The following PI4KA variants were observed in gnomAD, a reference collection of about 807,000 sequenced individuals.
PI4KA encodes phosphatidylinositol 4-kinase alpha.
In PI4KA, 122 loss-of-function variants were observed where a neutral mutation model predicts 271.4. The observed-to-expected ratio is 0.45, with a 90% CI of 0.39 to 0.52. The LOEUF (loss-of-function observed/expected upper bound fraction) is 0.52, where lower values mean the gene tolerates loss of function less well. PI4KA is among the 20% of genes least tolerant of loss of function. The pLI is 0.00. For missense variants in PI4KA, 1,969 were observed against 2,769.1 expected, an observed-to-expected ratio of 0.71 and a Z score of 6.48; for synonymous variants, 1,041 against 1,078.8, an observed-to-expected ratio of 0.96 and a Z score of 0.69.
At chr22:20,757,625 C>A (rs1341311316) in intron 23 of PI4KA, among the ~76,000 whole-genome samples, 1 of 151,996 alleles carries the variant, frequency 6.6e-6, no homozygotes, top group Non-Finnish European at 1.5e-5. Context: ...CTCACTGCAA[C>A]CTCTGCCTCC....
intron 1 of PI4KA, 140 bp downstream of exon 1, chr22:20,858,430 T>G: frequency 3.8e-6 from 2 of 521,998 alleles, no homozygotes; most frequent in Non-Finnish European, 5.9e-6. Flanking sequence ...CCCCGCTAGA[T>G]CCCTCCGCTC....
chr22:20,840,072 C>A (rs1288030089), intron 1 of PI4KA, among the ~76,000 whole-genome samples: 2 of 152,178 alleles, frequency 1.3e-5, no homozygotes, highest in Admixed American at 6.5e-5. Context: ...CAATACCCTG[C>A]ACTAAAACAC....
At chr22:20,720,205 T>C (rs1926568464) in intron 43 of PI4KA, among the ~76,000 whole-genome samples, 1 of 152,154 alleles carries the variant, frequency 6.6e-6, no homozygotes, top group Non-Finnish European at 1.5e-5. Context: ...TGGGTCCAGG[T>C]GCGACGTAGA....
intron 20 of PI4KA, 118 bp downstream of exon 20, chr22:20,765,467 A>C (rs557438088): frequency 3.4e-5 from 27 of 784,442 alleles, no homozygotes; most frequent in East Asian, 3.2e-4. Flanking sequence ...TTGCAGAAAG[A>C]AGCAGCTGCA....
In PI4KA at chr22:20,761,342, C is replaced by T. The variant is rs142119272; in HGVS notation, c.2753G>A (p.Cys918Tyr). 2 of 1,611,544 alleles carry T rather than the reference C, an allele frequency of 1.2e-6. No homozygotes were observed. Among genetic ancestry groups the T allele is most frequent in the African/African-American group, 2.7e-5 (2 of 74,962 alleles). Residue 918 changes from cysteine (C) to tyrosine (Y), a missense_variant, in exon 23 of 55, where the codon TGC (cysteine) becomes TAC (tyrosine). Physicochemically the swap from Cys to Tyr is radical, Grantham distance 194. Around this residue, in one of 13 missense-constraint regions of PI4KA, gnomAD observed 368 missense variants for 544.3 expected, o/e 0.68. Coordinates refer to ENST00000255882, the MANE Select transcript of PI4KA (RefSeq NM_058004.4). ...TDPDRFQVMF[C>Y]YFEDKAIQKD... is the part of the protein sequence containing the mutation. ...CTGAATAGCTTTATCCTCAAAGTAGCAGAACATTACCTGGAAGCGATCAGG... is the reference window on the plus strand; with the variant it reads ...CTGAATAGCTTTATCCTCAAAGTAGTAGAACATTACCTGGAAGCGATCAGG...
rs368811662 is a variant in PI4KA, at chr22:20,813,407, T to C, written c.956A>G (p.Tyr319Cys). ...SVSPLFNGVT[Y>C]KEFNIPLEML... ...TTCCAATGGAATGTTAAACTCCTTATATGTGACACCGTTGAAAAGGGGAGA... is the reference window on the plus strand; with the variant it reads ...TTCCAATGGAATGTTAAACTCCTTACATGTGACACCGTTGAAAAGGGGAGA... The change falls in exon 8 of 55, where the codon TAT becomes TGT. Residue 319 changes from tyrosine (Y) to cysteine (C), a missense_variant. Transcript: ENST00000255882. The C allele has an allele frequency of 2.0e-5, 32 of 1,613,778 alleles. 1 individual carries two copies. The African/African-American group carries it at 3.9e-4, about 19-fold the overall frequency.
chr22:20,800,492 G>A (rs576171226), intron 14 of PI4KA, among the ~76,000 whole-genome samples: 5 of 152,198 alleles, frequency 3.3e-5, no homozygotes, highest in African/African-American at 1.2e-4. Flanking sequence ...AAAATATGAT[G>A]ATACGTTACT....
At chr22:20,746,287 CCA>C in intron 29 of PI4KA, among the ~76,000 whole-genome samples, 1 of 152,062 alleles carries the variant, frequency 6.6e-6, no homozygotes, top group East Asian at 1.9e-4. Context: ...TGGTCTCGAT[CCA>C]CTGACCTCGT....
chr22:20,734,217 T>C (rs2147253340), intron 33 of PI4KA, 23 bp from the exon 34 acceptor site: 1 of 1,527,724 alleles, frequency 6.5e-7, no homozygotes, highest in East Asian at 2.5e-5. Flanking sequence ...AGGAAGACGC[T>C]GTGGTGGTGG....
chr22:20,762,466 C>T (rs944244811), intron 22 of PI4KA, among the ~76,000 whole-genome samples: 4 of 152,152 alleles, frequency 2.6e-5, no homozygotes, highest in Non-Finnish European at 5.9e-5. Flanking sequence ...TGGTAGGCAG[C>T]CCGAGGTGGA....
chr22:20,763,622 T>C (rs1314672839), intron 22 of PI4KA, among the ~76,000 whole-genome samples: 1 of 152,066 alleles, frequency 6.6e-6, no homozygotes, highest in Non-Finnish European at 1.5e-5. Flanking sequence ...GTATTTTTAG[T>C]AGAGATGGGG....
intron 10 of PI4KA, among the ~76,000 whole-genome samples, chr22:20,806,705 T>G (rs1353287673): frequency 6.6e-6 from 1 of 152,024 alleles, no homozygotes; most frequent in African/African-American, 2.4e-5. Context: ...ATTAACAGAT[T>G]ACATGTATTA....
At chr22:20,754,651 A>G (rs185714179) in intron 23 of PI4KA, among the ~76,000 whole-genome samples, 113 of 152,226 alleles carry the variant, frequency 7.4e-4, no homozygotes, top group African/African-American at 2.6e-3. Flanking sequence ...AATTCTTTCT[A>G]CTTTTTAAAA....
intron 1 of PI4KA, among the ~76,000 whole-genome samples, chr22:20,846,989 T>G (rs967484979): frequency 6.7e-6 from 1 of 149,960 alleles, no homozygotes; most frequent in Non-Finnish European, 1.5e-5. Context: ...CTACTAAAAA[T>G]ACAAAAAAAT....
chr22:20,707,898 C>A lies in PI4KA; in HGVS notation c.*149G>T, dbSNP rs891464589. ...GGCGTTACCAAGGCTGCGCCACCCA[C>A]GTGCTGCCCCAGGAGGCGCTACCAG... On this transcript the variant is annotated 3_prime_UTR_variant, in exon 55 of 55. Transcript: ENST00000255882. The A allele has an allele frequency of 2.6e-6, 2 of 779,132 alleles. No individual in the cohort carries two copies. The highest frequency in any genetic ancestry group is 2.4e-5 in the East Asian group (1 of 41,090). 48.3% of individuals were successfully genotyped at this position (779,132 alleles called of 1,614,324 possible).
chr22:20,743,240 G>A (rs1929673435), intron 30 of PI4KA, among the ~76,000 whole-genome samples: 1 of 152,004 alleles, frequency 6.6e-6, no homozygotes, highest in Non-Finnish European at 1.5e-5. Flanking sequence ...CCGCCTCCTG[G>A]GTTCAAGTGA....
chr22:20,819,504 T>G lies in PI4KA; in HGVS notation c.789+137A>C, dbSNP rs543359606. 320 of 795,206 alleles carry G rather than the reference T, an allele frequency of 4.0e-4. 8 individuals carry two copies. The Admixed American group carries it at 8.5e-3, about 21-fold the overall frequency. 49.3% of individuals were successfully genotyped at this position (795,206 alleles called of 1,614,324 possible). A position where few individuals can be genotyped will look rare whatever the true frequency, so the allele number is the denominator to read the frequency against. ...CATCTTAAGAGGGACAAGACAAGTC[T>G]TTGTATTAAAGAGAATTCTAGTGAA... is the stretch of plus-strand genomic sequence containing the variant. On this transcript the variant is annotated intron_variant, in intron 6 of 54. Coordinates refer to ENST00000255882, the MANE Select transcript of PI4KA (RefSeq NM_058004.4).
chr22:20,750,148 G>C (rs1930511422), intron 27 of PI4KA, among the ~76,000 whole-genome samples, 154 bp from the exon 28 acceptor site: 1 of 152,158 alleles, frequency 6.6e-6, no homozygotes, highest in African/African-American at 2.4e-5. Flanking sequence ...TGGAGATAGG[G>C]CTTTAAAGAG....
chr22:20,760,521 A>G (rs1052017111), intron 23 of PI4KA, among the ~76,000 whole-genome samples: 1 of 152,220 alleles, frequency 6.6e-6, no homozygotes, highest in Non-Finnish European at 1.5e-5. Context: ...AAATTAAGGT[A>G]TAATTTGCAT....
Sources: gnomAD v4.1 joint callset for allele counts (sites outside exome capture counted in the v4.1 genomes callset) on GRCh38, gnomAD v4.1.1 for gene constraint, gnomAD v4.1.1 regional missense constraint, MANE v1.5 for transcripts, NCBI Gene and HGNC (gene_info 2026-07-23, HGNC 2026-07-21) for gene names.